The following TBC1D15 variants were observed in gnomAD, a reference collection of about 807,000 sequenced individuals.
TBC1D15 encodes TBC1 domain family member 15.
Under a neutral mutation model 95.4 loss-of-function variants are expected in TBC1D15, and 39 were observed. The ratio of observed to expected loss-of-function variants is 0.41; its 90% CI spans 0.32 to 0.53. TBC1D15 has a LOEUF of 0.53. Ranked by LOEUF, TBC1D15 falls within the 20% of genes least tolerant of loss-of-function variation. The probability of loss-of-function intolerance (pLI) is 0.29; values close to 1 mark genes in which losing one functional copy is unlikely to be tolerated. For missense variants in TBC1D15, 733 were observed against 794.3 expected, an observed-to-expected ratio of 0.92 and a Z score of 0.93; for synonymous variants, 258 against 261.3, an observed-to-expected ratio of 0.99 and a Z score of 0.12.
rs1248300577 is a variant in TBC1D15, at chr12:71,918,475, A to G, written c.1526A>G (p.Tyr509Cys). Residue 509 changes from tyrosine to cysteine, a missense_variant, in exon 14 of 17, where the codon TAT (tyrosine) becomes TGT (cysteine). Tyr to Cys is a radical substitution (Grantham distance 194, BLOSUM62 -2). Transcript: ENST00000485960. Reference protein sequence around the residue: ...YLESQDSGYLYFCFRWLLIRF... With the variant: ...YLESQDSGYLCFCFRWLLIRF... The stretch of plus-strand genomic sequence containing the variant: ...GAATCTCAGGACTCTGGATACCTTT[A>G]TTTTTGCTTCAGGTGGCTTTTAATC... 3.7e-6 allele frequency: 6 copies of G among 1,608,096 alleles called. No individual in the cohort carries two copies. The African/African-American group carries it at 8.1e-5, about 22-fold the overall frequency.
intron 1 of TBC1D15, among the ~76,000 whole-genome samples, chr12:71,856,380 A>C (rs1592704230): frequency 6.6e-6 from 1 of 152,198 alleles, no homozygotes; most frequent in African/African-American, 2.4e-5. Flanking sequence ...TTGCCTATAC[A>C]TTCTTTTGCT....
chr12:71,893,768 G>A (rs576619502), intron 6 of TBC1D15, among the ~76,000 whole-genome samples: 37 of 151,758 alleles, frequency 2.4e-4, no homozygotes, highest in Non-Finnish European at 4.7e-4. Flanking sequence ...TCTTACATTT[G>A]GCTAAAAATG....
intron 11 of TBC1D15, among the ~76,000 whole-genome samples, chr12:71,911,876 T>C (rs1902460607): frequency 6.6e-6 from 1 of 152,116 alleles, no homozygotes; most frequent in African/African-American, 2.4e-5. Context: ...ACAGAAGAAA[T>C]ATGTAGTGAT....
At chr12:71,919,629 G>A (rs368330159) in intron 14 of TBC1D15, among the ~76,000 whole-genome samples, 14 of 152,170 alleles carry the variant, frequency 9.2e-5, no homozygotes, top group African/African-American at 2.7e-4. Context: ...AAACCCACAT[G>A]GTCTCTATCT....
At chr12:71,888,681 C>T (rs1269961468) in intron 5 of TBC1D15, among the ~76,000 whole-genome samples, 2 of 152,028 alleles carry the variant, frequency 1.3e-5, no homozygotes, top group Admixed American at 1.3e-4. Flanking sequence ...ATAGGCAGAT[C>T]TAAGAGAGAG....
Position 71,900,890 on chromosome 12 carries a change from T to TA in TBC1D15, c.1183+2950dup, listed in dbSNP as rs1899226544. ...ACTTGAAAAAGGGAGGGGGTTCTCT[T>TA]ACCACTCCTGTTCAGTGTAGTATTG... On this transcript the variant is annotated intron_variant, in intron 10 of 16. Coordinates refer to ENST00000485960, the MANE Select transcript of TBC1D15 (RefSeq NM_001146213.3). 4.6e-5 allele frequency among the ~76,000 whole-genome samples: 7 copies of TA among 152,266 alleles called. No individual in the cohort carries two copies. In the South Asian group the frequency reaches 1.4e-3, roughly 31 times the overall value.
At chr12:71,910,120 TC>T (rs1200082050) in intron 11 of TBC1D15, among the ~76,000 whole-genome samples, 1 of 152,048 alleles carries the variant, frequency 6.6e-6, no homozygotes, top group Admixed American at 6.6e-5. Flanking sequence ...AAATAGGGAA[TC>T]CTTTCCCCAT....
At chr12:71,911,176 G>C (rs917679163) in intron 11 of TBC1D15, among the ~76,000 whole-genome samples, 1 of 152,090 alleles carries the variant, frequency 6.6e-6, no homozygotes, top group Non-Finnish European at 1.5e-5. Context: ...CTGTTGGTGG[G>C]ACTGTAAACT....
intron 11 of TBC1D15, among the ~76,000 whole-genome samples, chr12:71,909,122 T>G (rs1029459346): frequency 1.3e-5 from 2 of 152,246 alleles, no homozygotes; most frequent in African/African-American, 4.8e-5. Flanking sequence ...ACTGGATAAC[T>G]TACCATCTCC....
At chr12:71,914,401 A>T (rs1039941643) in intron 12 of TBC1D15, among the ~76,000 whole-genome samples, 3 of 151,998 alleles carry the variant, frequency 2.0e-5, no homozygotes, top group African/African-American at 7.2e-5. Context: ...TTAGGAATTC[A>T]TTGTTATTTT....
intron 1 of TBC1D15, among the ~76,000 whole-genome samples, chr12:71,842,368 A>G (rs1229676557): frequency 6.6e-6 from 1 of 152,214 alleles, no homozygotes; most frequent in Non-Finnish European, 1.5e-5. Context: ...CTGTGATATG[A>G]TAACAGTACC....
chr12:71,887,593 A>G (rs191874274), intron 5 of TBC1D15, among the ~76,000 whole-genome samples: 60 of 152,118 alleles, frequency 3.9e-4, no homozygotes, highest in Non-Finnish European at 7.4e-4. Flanking sequence ...TGTTTTTTCT[A>G]CTTGGAATAT....
chr12:71,849,298 G>T, intron 1 of TBC1D15: 1 of 950,014 alleles, frequency 1.1e-6, no homozygotes, highest in Non-Finnish European at 1.7e-6. Context: ...GCTTCTATCT[G>T]CCAGAAGAAT....
chr12:71,900,785 G>A (rs1246952156), intron 10 of TBC1D15, among the ~76,000 whole-genome samples: 4 of 152,094 alleles, frequency 2.6e-5, no homozygotes, highest in Non-Finnish European at 5.9e-5. Context: ...AAAAGGGTTA[G>A]GATGTTTGTG....
intron 5 of TBC1D15, among the ~76,000 whole-genome samples, chr12:71,888,511 T>G (rs1258825742): frequency 2.0e-5 from 3 of 151,648 alleles, no homozygotes; most frequent in African/African-American, 7.3e-5. Flanking sequence ...GAAAATACTG[T>G]TATTAGAGGG....
intron 1 of TBC1D15, chr12:71,854,609 A>G (rs1054601524): frequency 2.2e-6 from 1 of 456,560 alleles, no homozygotes; most frequent in Non-Finnish European, 4.4e-6. Flanking sequence ...GATGGTATGT[A>G]TTTAGAGAAT....
intron 1 of TBC1D15, among the ~76,000 whole-genome samples, chr12:71,848,521 T>C (rs1327080216): frequency 6.6e-6 from 1 of 152,074 alleles, no homozygotes; most frequent in Non-Finnish European, 1.5e-5. Context: ...CTTCTGCTTA[T>C]TTTTTTTCAA....
rs540649461 is a variant in TBC1D15, at chr12:71,845,762, G to A, written c.30+5951G>A. Among the ~76,000 whole-genome samples the A allele has an allele frequency of 3.3e-4, 51 of 152,252 alleles. No individual in the cohort carries two copies. The South Asian group carries it at 0.01, about 30-fold the overall frequency. On this transcript the variant is annotated intron_variant, in intron 1 of 16. Coordinates refer to ENST00000485960, the MANE Select transcript of TBC1D15 (RefSeq NM_001146213.3). ...ATTGCTAAAGTTAAGAATGCATGTT[G>A]TGTATGATAGGTGATGGGTTTCCAA...
At chr12:71,880,995 T>C (rs1188903268) in intron 4 of TBC1D15, among the ~76,000 whole-genome samples, 1 of 152,230 alleles carries the variant, frequency 6.6e-6, no homozygotes. Flanking sequence ...AGCATCTTGC[T>C]GGACTCTTCA....
Sources: allele counts gnomAD v4.1 joint callset (sites outside exome capture counted in the v4.1 genomes callset), GRCh38; gene constraint gnomAD v4.1.1; transcripts MANE v1.5; gene names NCBI Gene and HGNC (gene_info 2026-07-23, HGNC 2026-07-21).